DBT: variants seen among roughly 807,000 people sequenced by gnomAD.
DBT encodes the protein lipoamide acyltransferase component of branched-chain alpha-keto acid dehydrogenase complex, mitochondrial.
Under a neutral mutation model 51.3 loss-of-function variants are expected in DBT, and 40 were observed. The ratio of observed to expected loss-of-function variants is 0.78; its 90% CI spans 0.61 to 1.02. DBT has a LOEUF of 1.02. Among genes scored for constraint, DBT ranks in the 50% least tolerant of loss-of-function variants. The pLI, the probability that DBT is intolerant of heterozygous loss-of-function variation, is 0.00. For synonymous variants in DBT, 181 were observed against 190.4 expected, an observed-to-expected ratio of 0.95 and a Z score of 0.41; for missense variants, 510 against 580.2, an observed-to-expected ratio of 0.88 and a Z score of 1.24.
rs570221528 is a variant in DBT at position 100,194,224 on chromosome 1, G to C, written c.*2031C>G. ...ACTCTGTCACCCATACTGGAGGATA[G>C]TGGCACAATGACAGCTCACTACAGC... On this transcript the variant is annotated 3_prime_UTR_variant, in exon 11 of 11. Coordinates refer to ENST00000370132, the MANE Select transcript of DBT (RefSeq NM_001918.5). 128 of 152,158 alleles carry C rather than the reference G, an allele frequency of 8.4e-4. No individual in the cohort carries two copies. Among genetic ancestry groups the C allele is most frequent in the African/African-American group, 2.8e-3 (116 of 41,512 alleles). 9.4% of individuals were successfully genotyped at this position (152,158 alleles called of 1,614,324 possible). A position where few individuals can be genotyped will look rare whatever the true frequency, so the allele number is the denominator to read the frequency against.
chr1:100,210,630 T>C, intron 8 of DBT, 64 bp downstream of exon 8: 4 of 1,606,944 alleles, frequency 2.5e-6, no homozygotes, highest in Non-Finnish European at 3.4e-6. Context: ...AAGTCTCTAA[T>C]CTACAAGCAC....
At chr1:100,233,329 AT>A (rs148817364) in intron 3 of DBT, among the ~76,000 whole-genome samples, 3,050 of 152,180 alleles carry the variant, frequency 0.02, 104 homozygotes, top group African/African-American at 0.07. Flanking sequence ...AAATTTAAGT[AT>A]TTTTTTTCTT....
chr1:100,211,102 T>G, intron 7 of DBT: 1 of 779,308 alleles, frequency 1.3e-6, no homozygotes, highest in Non-Finnish European at 2.4e-6. Flanking sequence ...ATGTTGATCT[T>G]AAGATTTCCA....
intron 6 of DBT, 54 bp from the exon 7 acceptor site, chr1:100,215,037 C>CTT (rs11431894): frequency 0.017 from 16,529 of 959,258 alleles, 4 homozygotes; most frequent in Non-Finnish European, 0.02. Flanking sequence ...TCTCTTCATC[C>CTT]TTTTTTTTTT....
intron 1 of DBT, among the ~76,000 whole-genome samples, chr1:100,244,490 T>G (rs1001416515): frequency 6.6e-6 from 1 of 152,158 alleles, no homozygotes; most frequent in African/African-American, 2.4e-5. Context: ...GTCAAGAAAC[T>G]ATTACATACC....
Position 100,234,938 on chromosome 1 carries a change from G to A in DBT, c.251+498C>T, listed in dbSNP as rs561092144. 2.3e-3 allele frequency among the ~76,000 whole-genome samples: 354 copies of A among 152,136 alleles called. 2 individuals carry two copies. The highest frequency in any genetic ancestry group is 7.3e-3 in the African/African-American group (303 of 41,496). ...TCTAAAAACCTCTAAAACTGAGTTC[G>A]GTACCCAGAGGTGTTTCTATTTTTC... On this transcript the variant is annotated intron_variant, in intron 3 of 10. Coordinates refer to ENST00000370132, the MANE Select transcript of DBT (RefSeq NM_001918.5).
rs539222697 is a variant in DBT at position 100,190,625 on chromosome 1, A to C, written c.*5630T>G. The C allele has an allele frequency of 6.6e-6, 1 of 152,324 alleles. No homozygotes were observed. 9.4% of individuals were successfully genotyped at this position (152,324 alleles called of 1,614,324 possible). A position where few individuals can be genotyped will look rare whatever the true frequency, so the allele number is the denominator to read the frequency against. On this transcript the variant is annotated 3_prime_UTR_variant, in exon 11 of 11. Transcript: ENST00000370132. The stretch of plus-strand genomic sequence containing the variant: ...CAAAGTGGGGCAATGGGGGTTCAAC[A>C]TGGGGCAGGGATCAGGAGGAAGAGA...
At chr1:100,239,554 C>CA (rs35771966) in intron 2 of DBT, among the ~76,000 whole-genome samples, 20 of 146,828 alleles carry the variant, frequency 1.4e-4, no homozygotes, top group African/African-American at 3.8e-4. Context: ...GACCCTGTCT[C>CA]AAAAAAAAAA....
chr1:100,199,743 A>G (rs1460378783), intron 10 of DBT, among the ~76,000 whole-genome samples: 2 of 152,092 alleles, frequency 1.3e-5, no homozygotes, highest in African/African-American at 4.8e-5. Flanking sequence ...CAGCCCATGG[A>G]GGGCCAGCAG....
rs979408625 is a variant in DBT at position 100,190,363 on chromosome 1, C to T, written c.*5892G>A. 3 of 152,140 alleles carry T rather than the reference C, an allele frequency of 2.0e-5. No individual in the cohort carries two copies. Among genetic ancestry groups the T allele is most frequent in the African/African-American group, 7.2e-5 (3 of 41,414 alleles). 9.4% of individuals were successfully genotyped at this position (152,140 alleles called of 1,614,324 possible). On this transcript the variant is annotated 3_prime_UTR_variant, in exon 11 of 11. Coordinates refer to ENST00000370132, the MANE Select transcript of DBT (RefSeq NM_001918.5). ...TGGAAATGGCCTACATTACTTCAAC[C>T]CATATACCCATATTCTAATAGTTAC...
chr1:100,228,002 C>T (rs1663321886), intron 4 of DBT, among the ~76,000 whole-genome samples: 1 of 152,016 alleles, frequency 6.6e-6, no homozygotes, highest in South Asian at 2.1e-4. Flanking sequence ...TGTGCCACCA[C>T]ACCCGGCTAA....
Position 100,222,023 on chromosome 1 carries a change from G to A in DBT, c.434-3276C>T, listed in dbSNP as rs183769218. Among the ~76,000 whole-genome samples, 23 of 152,240 alleles carry A rather than the reference G, an allele frequency of 1.5e-4. No individual in the cohort carries two copies. The East Asian group carries it at 3.3e-3, about 22-fold the overall frequency. On this transcript the variant is annotated intron_variant, in intron 4 of 10. Coordinates refer to ENST00000370132, the MANE Select transcript of DBT (RefSeq NM_001918.5). ...CAAAAATAAACTTTAGTTCCTGTCC[G>A]AATGTTCATAAATTGAAAATTAAGG... is the stretch of plus-strand genomic sequence containing the variant.
At chr1:100,212,176 G>A (rs745447509) in intron 7 of DBT, among the ~76,000 whole-genome samples, 41 of 152,130 alleles carry the variant, frequency 2.7e-4, no homozygotes, top group Admixed American at 5.2e-4. Context: ...AAAAATATTT[G>A]AGTATAATCC....
At chr1:100,210,450 G>A (rs966316380) in intron 8 of DBT, 3 of 407,662 alleles carry the variant, frequency 7.4e-6, no homozygotes, top group Admixed American at 8.4e-5. Flanking sequence ...ATACAGCTAT[G>A]TATTTCCATT....
chr1:100,223,398 G>T (rs915661354), intron 4 of DBT, among the ~76,000 whole-genome samples: 1 of 152,134 alleles, frequency 6.6e-6, no homozygotes, highest in Non-Finnish European at 1.5e-5. Context: ...TTGAGACAGG[G>T]TTTCCTCTGT....
Position 100,194,999 on chromosome 1 carries a change from A to G in DBT, c.*1256T>C, listed in dbSNP as rs1053540812. On this transcript the variant is annotated 3_prime_UTR_variant, in exon 11 of 11. Transcript: ENST00000370132. ...TTTCTGATTAAAGTAGACCTTTAAC[A>G]AAATGATCATTATGAAACCTTCATT... The G allele has an allele frequency of 6.6e-6, 1 of 152,274 alleles. No homozygotes were observed. Among genetic ancestry groups the G allele is most frequent in the Non-Finnish European group, 1.5e-5 (1 of 68,050 alleles). 9.4% of individuals were successfully genotyped at this position (152,274 alleles called of 1,614,324 possible).
At chr1:100,244,877 G>A (rs1005815866) in intron 1 of DBT, among the ~76,000 whole-genome samples, 5 of 152,058 alleles carry the variant, frequency 3.3e-5, no homozygotes, top group African/African-American at 9.7e-5. Context: ...GAAGGGGAGA[G>A]TACTGTATAG....
At position 100,190,636 on chromosome 1, in the gene DBT, A is replaced by T. The variant is rs1007863611; in HGVS notation, c.*5619T>A. Reference sequence around the variant, plus strand: ...AATGGGGGTTCAACATGGGGCAGGGATCAGGAGGAAGAGATGGAATAAATA... The same window carrying T: ...AATGGGGGTTCAACATGGGGCAGGGTTCAGGAGGAAGAGATGGAATAAATA... On this transcript the variant is annotated 3_prime_UTR_variant, in exon 11 of 11. Coordinates refer to ENST00000370132, the MANE Select transcript of DBT (RefSeq NM_001918.5). The T allele has an allele frequency of 3.9e-5, 6 of 152,282 alleles. No homozygotes were observed. The highest frequency in any genetic ancestry group is 4.4e-5 in the Non-Finnish European group (3 of 68,094). The allele number at this position is 152,282 out of a possible 1,614,324, so 9.4% of individuals were successfully genotyped here.
At chr1:100,238,527 A>G (rs539552829) in intron 2 of DBT, among the ~76,000 whole-genome samples, 14 of 148,142 alleles carry the variant, frequency 9.5e-5, no homozygotes, top group African/African-American at 3.3e-4. Context: ...ACATGGCCTA[A>G]CTCTGTTGCC....
Sources: gnomAD v4.1 joint callset for allele counts (sites outside exome capture counted in the v4.1 genomes callset) on GRCh38, gnomAD v4.1.1 for gene constraint, MANE v1.5 for transcripts, NCBI Gene and HGNC (gene_info 2026-07-23, HGNC 2026-07-21) for gene names.